Variants in CTNNA3 observed in about 807,000 individuals in gnomAD.
CTNNA3 encodes catenin alpha 3.
CTNNA3 carries 76 observed loss-of-function variants against 95.7 expected under a neutral mutation model. The ratio of observed to expected loss-of-function variants is 0.79; its 90% CI spans 0.66 to 0.96. The LOEUF (loss-of-function observed/expected upper bound fraction) is 0.96, where lower values mean the gene tolerates loss of function less well. CTNNA3 is among the 40% of genes least tolerant of loss of function. The pLI is 0.00. For synonymous variants in CTNNA3, 431 were observed against 374.4 expected, an observed-to-expected ratio of 1.15 and a Z score of -1.74; for missense variants, 1,191 against 1,089.8, an observed-to-expected ratio of 1.09 and a Z score of -1.31.
chr10:67,676,113 C>A (rs1840530223), intron 1 of CTNNA3, among the ~76,000 whole-genome samples: 1 of 152,002 alleles, frequency 6.6e-6, no homozygotes, highest in African/African-American at 2.4e-5. Flanking sequence ...AGGATGGCTA[C>A]TTATTTCAGG....
chr10:67,663,649 T>G (rs1840256186), intron 1 of CTNNA3, among the ~76,000 whole-genome samples: 1 of 152,206 alleles, frequency 6.6e-6, no homozygotes. Flanking sequence ...GGTCTCGGTC[T>G]TCTTCACAAC....
Position 67,100,937 on chromosome 10 carries a change from A to G in CTNNA3, c.1047+79380T>C, listed in dbSNP as rs114069309. Among the ~76,000 whole-genome samples, 536 of 151,796 alleles carry G rather than the reference A, an allele frequency of 3.5e-3. 3 individuals carry two copies. The highest frequency in any genetic ancestry group is 0.012 in the African/African-American group (490 of 41,466). On this transcript the variant is annotated intron_variant, in intron 7 of 17. Coordinates refer to ENST00000433211, the MANE Select transcript of CTNNA3 (RefSeq NM_013266.4). The stretch of plus-strand genomic sequence containing the variant: ...CTGATCAGAGCAAGAGAACTTCCAG[A>G]GATAATGGATAGAATGAAAGAATAT...
At chr10:66,678,771 G>A (rs1192839300) in intron 9 of CTNNA3, among the ~76,000 whole-genome samples, 2 of 151,978 alleles carry the variant, frequency 1.3e-5, no homozygotes, top group Non-Finnish European at 2.9e-5. Flanking sequence ...CCAAAGAGTC[G>A]ACTCCTCTTT....
At chr10:67,431,732 G>C (rs1846118592) in intron 5 of CTNNA3, among the ~76,000 whole-genome samples, 1 of 151,848 alleles carries the variant, frequency 6.6e-6, no homozygotes, top group South Asian at 2.1e-4. Flanking sequence ...AAGAGACACA[G>C]GGTTAGAAGT....
At chr10:67,203,948 G>A (rs1195290830) in intron 6 of CTNNA3, among the ~76,000 whole-genome samples, 3 of 152,122 alleles carry the variant, frequency 2.0e-5, no homozygotes, top group Non-Finnish European at 4.4e-5. Context: ...GTTACCTGCA[G>A]GAGTAATTGA....
At chr10:66,150,123 C>T (rs1296451121) in intron 13 of CTNNA3, among the ~76,000 whole-genome samples, 2 of 152,172 alleles carry the variant, frequency 1.3e-5, no homozygotes, top group African/African-American at 4.8e-5. Context: ...TCACACAATT[C>T]CCACGTGTCA....
intron 7 of CTNNA3, among the ~76,000 whole-genome samples, chr10:67,062,443 G>C (rs1225370439): frequency 2.6e-5 from 4 of 152,144 alleles, no homozygotes; most frequent in Non-Finnish European, 5.9e-5. Context: ...TAAGTATGCA[G>C]GTGATAAACT....
intron 15 of CTNNA3, among the ~76,000 whole-genome samples, chr10:66,021,851 G>GTTTTTTTTTTTTTTTTTTTT (rs1564583857): frequency 9.6e-5 from 4 of 41,676 alleles, no homozygotes; most frequent in African/African-American, 1.6e-4. Flanking sequence ...CAGGATCTTG[G>GTTTTTTTTTTTTTTTTTTTT]CTTTTTTTTT....
At chr10:66,918,326 C>T (rs914105769) in intron 7 of CTNNA3, among the ~76,000 whole-genome samples, 29 of 152,168 alleles carry the variant, frequency 1.9e-4, no homozygotes, top group Non-Finnish European at 3.5e-4. Flanking sequence ...CCATTTAGCG[C>T]ATTCCTGAAT....
chr10:66,241,595 G>A (rs2090108977), intron 13 of CTNNA3, among the ~76,000 whole-genome samples: 1 of 152,058 alleles, frequency 6.6e-6, no homozygotes, highest in Non-Finnish European at 1.5e-5. Flanking sequence ...AGACTATTAT[G>A]TGACTGTGGC....
At chr10:67,422,938 T>C (rs1002108682) in intron 5 of CTNNA3, among the ~76,000 whole-genome samples, 1 of 152,086 alleles carries the variant, frequency 6.6e-6, no homozygotes, top group African/African-American at 2.4e-5. Flanking sequence ...CTAAAAGGCC[T>C]AGTAATTAAA....
intron 9 of CTNNA3, among the ~76,000 whole-genome samples, chr10:66,752,841 G>GAC (rs141354953): frequency 7.3e-5 from 11 of 151,370 alleles, no homozygotes; most frequent in Middle Eastern, 3.4e-3. Flanking sequence ...TCCTAAGGAA[G>GAC]ACACACACAC....
intron 17 of CTNNA3, among the ~76,000 whole-genome samples, chr10:65,926,706 C>T (rs1431049559): frequency 1.3e-5 from 2 of 152,104 alleles, no homozygotes; most frequent in African/African-American, 2.4e-5. Context: ...GAACTCCCAA[C>T]CTTAGGTGAT....
At chr10:66,947,695 A>AT (rs958949736) in intron 7 of CTNNA3, among the ~76,000 whole-genome samples, 1 of 152,136 alleles carries the variant, frequency 6.6e-6, no homozygotes, top group East Asian at 1.9e-4. Flanking sequence ...GTTTTCAAAT[A>AT]TTTTTTTCTT....
intron 9 of CTNNA3, among the ~76,000 whole-genome samples, chr10:66,656,818 T>G (rs752724543): frequency 1.1e-4 from 17 of 151,960 alleles, no homozygotes; most frequent in Non-Finnish European, 2.4e-4. Context: ...GAGAGAGTGC[T>G]TTTTGTTGTT....
chr10:66,366,665 A>G (rs1291154186), intron 12 of CTNNA3, among the ~76,000 whole-genome samples: 1 of 152,148 alleles, frequency 6.6e-6, no homozygotes, highest in African/African-American at 2.4e-5. Flanking sequence ...TGTGAGCAAT[A>G]AATTTCTGTT....
chr10:67,090,363 G>A (rs564582734), intron 7 of CTNNA3, among the ~76,000 whole-genome samples: 219 of 152,192 alleles, frequency 1.4e-3, no homozygotes, highest in African/African-American at 4.9e-3. Context: ...TAAAACTACA[G>A]TATAAACATA....
chr10:66,989,911 T>C (rs910090886), intron 7 of CTNNA3, among the ~76,000 whole-genome samples: 1 of 152,128 alleles, frequency 6.6e-6, no homozygotes, highest in African/African-American at 2.4e-5. Flanking sequence ...GTTCCTGGCA[T>C]TTAGTGTTCA....
chr10:67,701,900 A>G (rs1841043175), intron 1 of CTNNA3, among the ~76,000 whole-genome samples: 1 of 152,166 alleles, frequency 6.6e-6, no homozygotes, highest in Non-Finnish European at 1.5e-5. Context: ...GCAGAGACAC[A>G]CATAGGCTCA....
Sources: gnomAD v4.1 joint callset for allele counts (sites outside exome capture counted in the v4.1 genomes callset) on GRCh38, gnomAD v4.1.1 for gene constraint, MANE v1.5 for transcripts, NCBI Gene and HGNC (gene_info 2026-07-23, HGNC 2026-07-21) for gene names.